The following BICD1 variants were observed in gnomAD, a reference collection of about 807,000 sequenced individuals.
The protein encoded by BICD1 is BICD cargo adaptor 1.
In BICD1, 35 loss-of-function variants were observed where a neutral mutation model predicts 92.5. That is an observed-to-expected ratio of 0.38 (90% CI 0.29 to 0.50). The LOEUF (loss-of-function observed/expected upper bound fraction) is 0.50, where lower values mean the gene tolerates loss of function less well. Among genes scored for constraint, BICD1 ranks in the 20% least tolerant of loss-of-function variants. The pLI, the probability that BICD1 is intolerant of heterozygous loss-of-function variation, is 0.93. For missense variants in BICD1, 950 were observed against 1,189.8 expected (o/e 0.80, Z 2.97); for synonymous variants, 429 against 465.1 (o/e 0.92, Z 1.00).
At chr12:32,212,206 T>C (rs1945235350) in intron 1 of BICD1, among the ~76,000 whole-genome samples, 2 of 63,730 alleles carry the variant, frequency 3.1e-5, no homozygotes, top group Admixed American at 3.2e-4. Context: ...GTTTTCAGTG[T>C]TTTTTTGTTT....
intron 1 of BICD1, among the ~76,000 whole-genome samples, chr12:32,119,226 C>A (rs1942055488): frequency 6.6e-6 from 1 of 152,146 alleles, no homozygotes; most frequent in Non-Finnish European, 1.5e-5. Flanking sequence ...TGAAATATGA[C>A]CATTCTGTAA....
rs1941511259 is a variant in BICD1, at chr12:32,107,318, C to T, written c.-14C>T. On this transcript the variant is annotated 5_prime_UTR_variant, in exon 1 of 10. Transcript: ENST00000652176. ...CCACCCCGTAACCCCCTCCTGCCTC[C>T]ATCCACCGGGGCTATGGCCGCAGAA... 5.0e-6 allele frequency: 8 copies of T among 1,586,064 alleles called. No homozygotes were observed. The highest frequency in any genetic ancestry group is 6.0e-6 in the Non-Finnish European group (7 of 1,165,478).
chr12:32,307,622 C>T (rs1018472744), intron 4 of BICD1, among the ~76,000 whole-genome samples: 8 of 152,172 alleles, frequency 5.3e-5, no homozygotes, highest in Non-Finnish European at 8.8e-5. Context: ...GCTGTTAAGC[C>T]TCTGGCAGTC....
chr12:32,233,322 T>TTAAAAAAAAAAAAAAAAAAAAAAAAA (rs35803631), intron 2 of BICD1, among the ~76,000 whole-genome samples: 1 of 127,080 alleles, frequency 7.9e-6, no homozygotes, highest in African/African-American at 2.9e-5. Context: ...AGTCTGTCTT[T>TTAAAAAAAAAAAAAAAAAAAAAAAAA]AAAAAAAAAA....
chr12:32,356,472 CA>C (rs1432783309), intron 8 of BICD1, among the ~76,000 whole-genome samples: 6 of 151,276 alleles, frequency 4.0e-5, no homozygotes, highest in East Asian at 1.9e-4. Flanking sequence ...GGCAACATGG[CA>C]AAACCCTGTC....
At chr12:32,222,580 C>A (rs1345536440) in intron 2 of BICD1, among the ~76,000 whole-genome samples, 1 of 152,180 alleles carries the variant, frequency 6.6e-6, no homozygotes, top group Admixed American at 6.5e-5. Flanking sequence ...TTTCCCTCTT[C>A]CGAACCCTGC....
intron 5 of BICD1, 64 bp from the exon 6 acceptor site, chr12:32,334,452 A>T: frequency 2.7e-6 from 4 of 1,489,346 alleles, no homozygotes; most frequent in Non-Finnish European, 3.6e-6. Flanking sequence ...GCACAGCATG[A>T]AGCAATCTGT....
chr12:32,214,719 TAAGGTA>T (rs1351069245), intron 1 of BICD1, among the ~76,000 whole-genome samples: 2 of 152,190 alleles, frequency 1.3e-5, no homozygotes, highest in African/African-American at 4.8e-5. Flanking sequence ...TCTTTAGTCT[TAAGGTA>T]TATAATAAAA....
At chr12:32,189,816 A>G (rs1238708321) in intron 1 of BICD1, among the ~76,000 whole-genome samples, 3 of 151,250 alleles carry the variant, frequency 2.0e-5, no homozygotes, top group Non-Finnish European at 2.9e-5. Context: ...CTCCTGCCTC[A>G]GCCTCCCGAG....
At position 32,305,957 on chromosome 12, in the gene BICD1, CAAT is replaced by C; in HGVS notation, c.841_843del (p.Asn281del). The C allele has an allele frequency of 6.2e-7, 1 of 1,614,172 alleles. No individual in the cohort carries two copies. The stretch of plus-strand genomic sequence containing the variant: ...TTGCCGAGGATGGGAGTGAACCAAA[CAAT>C]GATGACAAAATGAACGGTCATATCC... On this transcript the variant is annotated inframe_deletion, in exon 4 of 10. Coordinates refer to ENST00000652176, the MANE Select transcript of BICD1 (RefSeq NM_001714.4).
intron 9 of BICD1, among the ~76,000 whole-genome samples, chr12:32,370,723 T>C (rs1158373999): frequency 6.6e-6 from 1 of 152,260 alleles, no homozygotes; most frequent in African/African-American, 2.4e-5. Flanking sequence ...CAATAGATAC[T>C]GAGGGAATTC....
intron 5 of BICD1, among the ~76,000 whole-genome samples, chr12:32,332,134 T>TA (rs1167667734): frequency 6.6e-6 from 1 of 152,124 alleles, no homozygotes; most frequent in Non-Finnish European, 1.5e-5. Flanking sequence ...GAAAACCAGA[T>TA]ACCGCATGTT....
chr12:32,300,085 A>G (rs1565652766), intron 3 of BICD1, among the ~76,000 whole-genome samples: 1 of 151,828 alleles, frequency 6.6e-6, no homozygotes, highest in Non-Finnish European at 1.5e-5. Context: ...GGTGGGCTGG[A>G]TTTGCTCCGG....
chr12:32,238,734 C>A (rs947718735), intron 2 of BICD1, among the ~76,000 whole-genome samples: 1 of 147,324 alleles, frequency 6.8e-6, no homozygotes, highest in Admixed American at 6.8e-5. Flanking sequence ...CACCTAAGGT[C>A]AGGAGTTTAA....
intron 7 of BICD1, 67 bp from the exon 8 acceptor site, chr12:32,338,719 C>T (rs550662082): frequency 3.1e-4 from 392 of 1,262,994 alleles, no homozygotes; most frequent in Non-Finnish European, 3.4e-4. Flanking sequence ...ACTGGTGAGG[C>T]GTTAAAAGGT....
chr12:32,351,860 G>C (rs1592710778), intron 8 of BICD1, among the ~76,000 whole-genome samples: 1 of 150,646 alleles, frequency 6.6e-6, no homozygotes, highest in South Asian at 2.1e-4. Flanking sequence ...AGTGAGCCAA[G>C]ATGGCGCCAC....
rs564737755 is a variant in BICD1 at position 32,307,052 on chromosome 12, C to T, written c.1005+930C>T. ...AAAAAGAAAAAAGAAAAGACAGAGC[C>T]TTAATGCATTTCTGATTAACAAAAG... On this transcript the variant is annotated intron_variant, in intron 4 of 9. Transcript: ENST00000652176. Among the ~76,000 whole-genome samples, 3 of 152,056 alleles carry T rather than the reference C, an allele frequency of 2.0e-5. No individual in the cohort carries two copies. The East Asian group carries it at 5.8e-4, about 29-fold the overall frequency.
At chr12:32,146,370 A>C (rs185168934) in intron 1 of BICD1, among the ~76,000 whole-genome samples, 30 of 152,288 alleles carry the variant, frequency 2.0e-4, no homozygotes, top group African/African-American at 7.2e-4. Context: ...GAGATGTTTT[A>C]AAAAAGTGTT....
At chr12:32,252,149 T>TTTATAATAAATATTATATATTTATAA (rs1565619642) in intron 2 of BICD1, among the ~76,000 whole-genome samples, 3 of 34,994 alleles carry the variant, frequency 8.6e-5, no homozygotes, top group African/African-American at 4.2e-4. Context: ...ATATTATATA[T>TTTATAATAAATATTATATATTTATAA]TACATATTAT....
Sources: gnomAD v4.1 joint callset for allele counts (sites outside exome capture counted in the v4.1 genomes callset) on GRCh38, gnomAD v4.1.1 for gene constraint, MANE v1.5 for transcripts, NCBI Gene and HGNC (gene_info 2026-07-23, HGNC 2026-07-21) for gene names.